Variants in DPP6 observed in about 807,000 individuals in gnomAD.
The protein encoded by DPP6 is dipeptidyl peptidase like 6.
A neutral mutation model predicts 122.6 loss-of-function variants in DPP6; 69 were observed. The ratio of observed to expected loss-of-function variants is 0.56; its 90% CI spans 0.46 to 0.69. DPP6 has a LOEUF of 0.69. Among genes scored for constraint, DPP6 ranks in the 30% least tolerant of loss-of-function variants. The pLI, the probability that DPP6 is intolerant of heterozygous loss-of-function variation, is 0.00. For missense variants in DPP6, 928 were observed against 1,116.9 expected (o/e 0.83, Z 2.41); for synonymous variants, 418 against 433.1 (o/e 0.97, Z 0.43).
intron 1 of DPP6, among the ~76,000 whole-genome samples, chr7:154,356,192 C>A (rs1442160585): frequency 1.3e-5 from 2 of 152,128 alleles, no homozygotes; most frequent in African/African-American, 4.8e-5. Flanking sequence ...AATGGAAATA[C>A]AATTAACACT....
chr7:154,200,511 G>A (rs1453818688), intron 1 of DPP6, among the ~76,000 whole-genome samples: 1 of 152,068 alleles, frequency 6.6e-6, no homozygotes, highest in Non-Finnish European at 1.5e-5. Context: ...CTGGGGAAAA[G>A]GTTTGAGGGG....
chr7:154,124,725 T>C (rs1166715214), intron 1 of DPP6, among the ~76,000 whole-genome samples: 1 of 152,238 alleles, frequency 6.6e-6, no homozygotes, highest in Non-Finnish European at 1.5e-5. Context: ...GACACCATTT[T>C]CTGTCACTGA....
intron 1 of DPP6, among the ~76,000 whole-genome samples, chr7:154,258,610 C>T (rs1411467782): frequency 6.6e-6 from 1 of 152,112 alleles, no homozygotes; most frequent in Non-Finnish European, 1.5e-5. Context: ...AGGATCATAC[C>T]CAAGTGCGTT....
chr7:153,904,769 A>G (rs1172017094), intron 1 of DPP6, among the ~76,000 whole-genome samples: 1 of 152,252 alleles, frequency 6.6e-6, no homozygotes. Flanking sequence ...AGTCTGATGC[A>G]TTCTGCAAAA....
At chr7:153,884,911 C>T (rs568500055), upstream of DPP6, among the ~76,000 whole-genome samples, 4 of 149,590 alleles carry the variant, frequency 2.7e-5, no homozygotes, top group South Asian at 8.5e-4. Context: ...ACCTGGGAGG[C>T]GGAGGTTGCA....
rs575259616 is a variant in DPP6, at chr7:154,557,958, A to G, written c.553-8884A>G. 4.6e-4 allele frequency among the ~76,000 whole-genome samples: 70 copies of G among 152,216 alleles called. No individual in the cohort carries two copies. In the South Asian group the frequency reaches 0.014, roughly 31 times the overall value. On this transcript the variant is annotated intron_variant, in intron 4 of 25. Transcript: ENST00000377770. ...GCAAAACCACAATTACTTTATTATTATTATTATACTTTAAGTTCTGGGGTA... is the reference window on the plus strand; with the variant it reads ...GCAAAACCACAATTACTTTATTATTGTTATTATACTTTAAGTTCTGGGGTA...
At chr7:154,505,757 A>G (rs1296227950) in intron 3 of DPP6, among the ~76,000 whole-genome samples, 3 of 152,166 alleles carry the variant, frequency 2.0e-5, no homozygotes, top group Non-Finnish European at 2.9e-5. Flanking sequence ...ATTTATGGCC[A>G]TTGGTGTTGA....
chr7:154,176,831 T>G (rs1030672688), intron 1 of DPP6, among the ~76,000 whole-genome samples: 1 of 152,014 alleles, frequency 6.6e-6, no homozygotes, highest in African/African-American at 2.4e-5. Flanking sequence ...TGGAAATCAT[T>G]TTTTTTTCTT....
intron 1 of DPP6, among the ~76,000 whole-genome samples, chr7:154,217,898 G>A (rs908082422): frequency 2.5e-4 from 38 of 152,204 alleles, no homozygotes; most frequent in Non-Finnish European, 5.4e-4. Context: ...CAGGGCTGAG[G>A]ACCAGAGCGC....
At chr7:153,778,599 T>C in the DPP6 span, among the ~76,000 whole-genome samples, 8,039 of 143,214 alleles carry the variant, frequency 0.056, 639 homozygotes, top group African/African-American at 0.19. Flanking sequence ...GTCAGCACCA[T>C]GATAATCAAG....
chr7:154,668,197 T>TATATATATATATATATATATA lies in DPP6; in HGVS notation c.681-1163_681-1162insATATATATATATATATATATA, dbSNP rs1838288618. On this transcript the variant is annotated intron_variant, in intron 6 of 25. Transcript: ENST00000377770. Reference sequence around the variant, plus strand: ...GTGCATTCCCAGCTATGTGTATATTTTATATATATATATATATATATAATA... The same window carrying TATATATATATATATATATATA: ...GTGCATTCCCAGCTATGTGTATATTTATATATATATATATATATATATATATATATATATATATATATAATA... Among the ~76,000 whole-genome samples the TATATATATATATATATATATA allele has an allele frequency of 1.3e-3, 48 of 36,460 alleles. 1 individual carries two copies. Among genetic ancestry groups the TATATATATATATATATATATA allele is most frequent in the African/African-American group, 2.5e-3 (42 of 16,954 alleles). 23.9% of individuals were successfully genotyped at this position (36,460 alleles called of 152,430 possible).
chr7:154,411,952 G>A (rs1816639719), intron 1 of DPP6, among the ~76,000 whole-genome samples: 1 of 152,056 alleles, frequency 6.6e-6, no homozygotes. Context: ...CCCAAGCAGG[G>A]TGTGGCTTAG....
At chr7:154,520,308 T>C (rs1203347618) in intron 3 of DPP6, among the ~76,000 whole-genome samples, 1 of 152,240 alleles carries the variant, frequency 6.6e-6, no homozygotes, top group Non-Finnish European at 1.5e-5. Flanking sequence ...TCTTCCAAGA[T>C]CACCTAAAGG....
chr7:154,559,860 A>G (rs1830297717), intron 4 of DPP6, among the ~76,000 whole-genome samples: 1 of 151,228 alleles, frequency 6.6e-6, no homozygotes, highest in African/African-American at 2.4e-5. Flanking sequence ...AGCTATGATC[A>G]CACCACTGCA....
intron 10 of DPP6, among the ~76,000 whole-genome samples, chr7:154,783,324 G>T (rs921520284): frequency 1.3e-5 from 2 of 152,154 alleles, no homozygotes; most frequent in African/African-American, 2.4e-5. Context: ...GACGGGCAGG[G>T]TCTTCTCTCG....
chr7:153,813,645 G>A, the DPP6 span, among the ~76,000 whole-genome samples: 1 of 152,054 alleles, frequency 6.6e-6, no homozygotes, highest in Admixed American at 6.6e-5. Context: ...CCCACCAACA[G>A]TGTAAAAGTG....
intron 17 of DPP6, 142 bp downstream of exon 17, chr7:154,853,969 C>A: frequency 8.7e-7 from 1 of 1,147,726 alleles, no homozygotes; most frequent in South Asian, 1.5e-5. Context: ...ATAGGCCATG[C>A]TGATCACCAA....
chr7:153,982,912 C>T (rs1419133292), intron 1 of DPP6, among the ~76,000 whole-genome samples: 2 of 152,234 alleles, frequency 1.3e-5, no homozygotes, highest in Non-Finnish European at 2.9e-5. Context: ...GCTTCTTCTT[C>T]TGGAAGCTTG....
chr7:154,414,475 A>T (rs1816858152), intron 1 of DPP6, among the ~76,000 whole-genome samples: 1 of 152,222 alleles, frequency 6.6e-6, no homozygotes, highest in Admixed American at 6.5e-5. Flanking sequence ...CCATCTTGAT[A>T]TCTAAAGCTT....
Sources: gnomAD v4.1 joint callset for allele counts (sites outside exome capture counted in the v4.1 genomes callset) on GRCh38, gnomAD v4.1.1 for gene constraint, MANE v1.5 for transcripts, NCBI Gene and HGNC (gene_info 2026-07-23, HGNC 2026-07-21) for gene names.